NBEA: variants seen among roughly 807,000 people sequenced by gnomAD.
NBEA encodes the protein lysosomal-trafficking regulator 2.
NBEA carries 44 observed loss-of-function variants against 343.4 expected under a neutral mutation model. That is an observed-to-expected ratio of 0.13 (90% CI 0.10 to 0.16). NBEA has a LOEUF of 0.16. NBEA is among the 10% of genes least tolerant of loss of function. NBEA has a pLI of 1.00. For missense variants in NBEA, 2,555 were observed against 3,631.3 expected (o/e 0.70, Z 7.62); for synonymous variants, 1,175 against 1,238.7 (o/e 0.95, Z 1.08).
intron 48 of NBEA, among the ~76,000 whole-genome samples, chr13:35,626,410 G>A (rs2083232770): frequency 6.6e-6 from 1 of 152,090 alleles, no homozygotes; most frequent in African/African-American, 2.4e-5. Context: ...TTCAATAATG[G>A]TTTTACTCTA....
intron 38 of NBEA, among the ~76,000 whole-genome samples, chr13:35,388,616 A>C (rs1056862685): frequency 6.6e-6 from 1 of 152,200 alleles, no homozygotes; most frequent in Non-Finnish European, 1.5e-5. Context: ...TATTTAAAGA[A>C]TATCTGGCAG....
chr13:35,512,612 G>A (rs778608219), intron 41 of NBEA, among the ~76,000 whole-genome samples: 1 of 152,166 alleles, frequency 6.6e-6, no homozygotes, highest in Non-Finnish European at 1.5e-5. Flanking sequence ...CAGCTTGCCT[G>A]AGTCTTATCT....
intron 41 of NBEA, among the ~76,000 whole-genome samples, chr13:35,508,401 A>G (rs2077152596): frequency 6.6e-6 from 1 of 152,212 alleles, no homozygotes; most frequent in African/African-American, 2.4e-5. Flanking sequence ...AAGGTATTTC[A>G]AGCAGATTTA....
chr13:35,183,275 A>G (rs767305165), intron 29 of NBEA, among the ~76,000 whole-genome samples: 3 of 151,912 alleles, frequency 2.0e-5, no homozygotes, highest in Admixed American at 1.3e-4. Flanking sequence ...TTGTTTCTCT[A>G]TTGTTTGCAG....
chr13:35,337,352 G>A (rs1171231011), intron 36 of NBEA, among the ~76,000 whole-genome samples: 1 of 152,026 alleles, frequency 6.6e-6, no homozygotes, highest in Non-Finnish European at 1.5e-5. Context: ...AAGAACGGAT[G>A]ACTATGCTAA....
chr13:35,094,392 A>G (rs2065231108), intron 10 of NBEA, among the ~76,000 whole-genome samples: 2 of 152,094 alleles, frequency 1.3e-5, no homozygotes, highest in African/African-American at 4.8e-5. Flanking sequence ...TGCATTTCAC[A>G]GTTTTCCTTA....
chr13:35,559,996 A>T (rs150542087), intron 44 of NBEA, among the ~76,000 whole-genome samples: 1 of 152,288 alleles, frequency 6.6e-6, no homozygotes, highest in African/African-American at 2.4e-5. Flanking sequence ...AATAGTAAAT[A>T]ATAGTTTATG....
chr13:35,653,091 A>G (rs1474070014), intron 53 of NBEA, among the ~76,000 whole-genome samples: 2 of 152,158 alleles, frequency 1.3e-5, no homozygotes, highest in Admixed American at 6.6e-5. Context: ...AACTCTTTGC[A>G]GCAGACATTC....
chr13:35,179,782 T>C (rs1478581657), intron 28 of NBEA: 1 of 984,696 alleles, frequency 1.0e-6, no homozygotes, highest in Non-Finnish European at 1.2e-6. Flanking sequence ...TTGAGCAATG[T>C]GTGAATCTGT....
At chr13:35,005,216 A>C (rs151234116) in intron 1 of NBEA, among the ~76,000 whole-genome samples, 14 of 145,344 alleles carry the variant, frequency 9.6e-5, no homozygotes, top group African/African-American at 3.3e-4. Context: ...CACAGGGCAG[A>C]TTTTTTTTTT....
At chr13:35,425,941 T>C (rs1481559435) in intron 38 of NBEA, among the ~76,000 whole-genome samples, 1 of 152,180 alleles carries the variant, frequency 6.6e-6, no homozygotes, top group African/African-American at 2.4e-5. Flanking sequence ...TGGTTTAAAG[T>C]CTGTTTTATC....
intron 1 of NBEA, among the ~76,000 whole-genome samples, chr13:35,019,138 G>T (rs2061748447): frequency 6.6e-6 from 1 of 151,218 alleles, no homozygotes; most frequent in Non-Finnish European, 1.5e-5. Flanking sequence ...TTAATATGTT[G>T]CTGGATTTAA....
chr13:35,528,959 A>G (rs1321990434), intron 41 of NBEA, among the ~76,000 whole-genome samples: 2 of 152,176 alleles, frequency 1.3e-5, no homozygotes, highest in African/African-American at 2.4e-5. Context: ...CAAAGTGAGT[A>G]TGGTATTATT....
At chr13:35,549,397 G>A (rs1389751034) in intron 41 of NBEA, among the ~76,000 whole-genome samples, 1 of 152,146 alleles carries the variant, frequency 6.6e-6, no homozygotes, top group African/African-American at 2.4e-5. Flanking sequence ...GCAAATATAA[G>A]TGCGGTAGAG....
intron 1 of NBEA, among the ~76,000 whole-genome samples, chr13:34,992,018 T>C (rs1038297399): frequency 2.6e-5 from 4 of 151,084 alleles, no homozygotes; most frequent in Non-Finnish European, 5.9e-5. Context: ...CATTCAGTCA[T>C]TGTTTTTCTA....
intron 38 of NBEA, among the ~76,000 whole-genome samples, chr13:35,412,084 T>C (rs1285548000): frequency 6.6e-6 from 1 of 152,158 alleles, no homozygotes; most frequent in Non-Finnish European, 1.5e-5. Flanking sequence ...AGTACAAGTT[T>C]ATTTTGGTGC....
At chr13:35,098,077 A>G (rs1448363587) in intron 10 of NBEA, among the ~76,000 whole-genome samples, 1 of 152,150 alleles carries the variant, frequency 6.6e-6, no homozygotes, top group Non-Finnish European at 1.5e-5. Context: ...CACAGTTATG[A>G]TTCAGTTTAT....
intron 10 of NBEA, among the ~76,000 whole-genome samples, chr13:35,087,004 T>A (rs146892109): frequency 7.2e-5 from 11 of 152,042 alleles, no homozygotes; most frequent in Admixed American, 7.2e-4. Flanking sequence ...ATTTTTTTTT[T>A]ATTGTTGAGT....
intron 47 of NBEA, among the ~76,000 whole-genome samples, chr13:35,602,939 T>C (rs1235583172): frequency 6.6e-6 from 1 of 152,220 alleles, no homozygotes. Context: ...GAAATTAGTC[T>C]TCTGCCACTT....
Sources: allele counts gnomAD v4.1 joint callset (sites outside exome capture counted in the v4.1 genomes callset), GRCh38; gene constraint gnomAD v4.1.1; transcripts MANE v1.5; gene names NCBI Gene and HGNC (gene_info 2026-07-23, HGNC 2026-07-21).